RARRES1: variants seen among roughly 807,000 people sequenced by gnomAD.
RARRES1 encodes the protein retinoic acid receptor responder 1, also known as retinoic acid receptor responder protein 1.
In RARRES1, 34 loss-of-function variants were observed where a neutral mutation model predicts 30.6. The ratio of observed to expected loss-of-function variants is 1.11; its 90% CI spans 0.84 to 1.48. RARRES1 has a LOEUF of 1.48. Among genes scored for constraint, RARRES1 ranks in the 40% most tolerant of loss-of-function variants. The pLI is 0.00. For synonymous variants in RARRES1, 153 were observed against 155.5 expected (o/e 0.98, Z 0.12); for missense variants, 373 against 386.5 (o/e 0.97, Z 0.29).
rs1347471013 is a variant in RARRES1 at position 158,704,926 on chromosome 3, A to G, written c.537T>C (p.Asp179=). Residue 179 remains aspartate, a splice_region_variant and synonymous_variant, in exon 4 of 6, where the codon GAT becomes GAC. Transcript: ENST00000237696. ...KNPLEIVSIP[D]NHGHIDPSLR... The stretch of plus-strand genomic sequence containing the variant: ...GAGAGGGATCAATATGTCCATGATT[A>G]TCTGAGAGAGACAAAAAAAGCACAT... 3 of 1,600,048 alleles carry G rather than the reference A, an allele frequency of 1.9e-6. No homozygotes were observed. The highest frequency in any genetic ancestry group is 2.3e-5 in the South Asian group (2 of 87,806).
chr3:158,713,953 A>G, intron 1 of RARRES1, 94 bp from the exon 2 acceptor site: 1 of 1,138,232 alleles, frequency 8.8e-7, no homozygotes, highest in Non-Finnish European at 1.3e-6. Flanking sequence ...TGGCATGCAA[A>G]TGGTGGCTGT....
chr3:158,712,672 A>G (rs1170991751), intron 2 of RARRES1, among the ~76,000 whole-genome samples: 1 of 152,184 alleles, frequency 6.6e-6, no homozygotes, highest in East Asian at 1.9e-4. Context: ...CAGAGAAGAG[A>G]AAAAGAACCA....
intron 1 of RARRES1, among the ~76,000 whole-genome samples, chr3:158,728,496 A>G (rs1393790583): frequency 7.1e-6 from 1 of 141,236 alleles, no homozygotes; most frequent in Non-Finnish European, 1.5e-5. Context: ...GGAGGGATCA[A>G]TCGTGGTTTC....
intron 4 of RARRES1, among the ~76,000 whole-genome samples, chr3:158,698,687 TTGCAAGAG>T (rs1274091024): frequency 6.6e-6 from 1 of 151,914 alleles, no homozygotes; most frequent in Non-Finnish European, 1.5e-5. Flanking sequence ...CTTTTTTTTT[TTGCAAGAG>T]TGCTTATCTG....
chr3:158,712,377 C>T (rs969846661), intron 2 of RARRES1, among the ~76,000 whole-genome samples: 2 of 152,012 alleles, frequency 1.3e-5, no homozygotes, highest in South Asian at 4.2e-4. Flanking sequence ...GAGAGCAAGA[C>T]CCTGCCTCAA....
intron 3 of RARRES1, among the ~76,000 whole-genome samples, chr3:158,705,991 T>G (rs907835321): frequency 6.6e-6 from 1 of 152,246 alleles, no homozygotes; most frequent in Non-Finnish European, 1.5e-5. Context: ...AACCATCATT[T>G]TATGCAGTTT....
intron 1 of RARRES1, among the ~76,000 whole-genome samples, chr3:158,714,713 C>CT (rs1014115960): frequency 4.6e-5 from 7 of 151,792 alleles, no homozygotes; most frequent in South Asian, 4.2e-4. Flanking sequence ...TGTTTGCCAT[C>CT]TTTTTTTTAA....
Position 158,710,744 on chromosome 3 carries a change from T to C in RARRES1, c.529A>G (p.Ile177Val). The change falls in exon 3 of 6, where the codon ATA becomes GTA. Residue 177 changes from isoleucine (I) to valine (V), a missense_variant. By Grantham distance (29) the Ile-to-Val change is conservative. Coordinates refer to ENST00000237696, the MANE Select transcript of RARRES1 (RefSeq NM_206963.2). ...TCCAAATGCTGATTCATACCAGGTA[T>C]GCTGACTATTTCCAAGGGGTTTTTC... Reference protein sequence around the residue: ...QLKNPLEIVSIPDNHGHIDPS... With the variant: ...QLKNPLEIVSVPDNHGHIDPS... 1.9e-6 allele frequency: 3 copies of C among 1,602,788 alleles called. No individual in the cohort carries two copies. The highest frequency in any genetic ancestry group is 3.4e-5 in the Admixed American group (2 of 59,572).
At chr3:158,703,365 C>T (rs1049625696) in intron 4 of RARRES1, among the ~76,000 whole-genome samples, 10 of 152,176 alleles carry the variant, frequency 6.6e-5, no homozygotes, top group African/African-American at 1.7e-4. Context: ...TACTTTGCCT[C>T]TCTCTGCTGG....
chr3:158,724,829 T>G (rs1306629130), intron 1 of RARRES1, among the ~76,000 whole-genome samples: 1 of 138,400 alleles, frequency 7.2e-6, no homozygotes, highest in African/African-American at 2.6e-5. Flanking sequence ...ACTCCCTTTC[T>G]TTTTTTTTTT....
At chr3:158,728,555 G>A (rs1179702191) in intron 1 of RARRES1, among the ~76,000 whole-genome samples, 3 of 136,486 alleles carry the variant, frequency 2.2e-5, no homozygotes, top group Admixed American at 7.9e-5. Flanking sequence ...ACAGATTCTC[G>A]CTCTGTCACC....
intron 1 of RARRES1, among the ~76,000 whole-genome samples, chr3:158,718,531 A>G (rs1455400230): frequency 1.3e-5 from 2 of 152,232 alleles, no homozygotes; most frequent in Non-Finnish European, 2.9e-5. Flanking sequence ...GACAGGGCCC[A>G]TTGCTGGGTG....
chr3:158,716,909 A>G (rs1251500691), intron 1 of RARRES1, among the ~76,000 whole-genome samples: 4 of 152,204 alleles, frequency 2.6e-5, no homozygotes, highest in Non-Finnish European at 4.4e-5. Flanking sequence ...AAGTGTCCAC[A>G]TTTCATCCAA....
intron 1 of RARRES1, among the ~76,000 whole-genome samples, chr3:158,728,498 CGTG>C (rs10542810): frequency 0.15 from 21,609 of 148,564 alleles, 1,628 homozygotes; most frequent in South Asian, 0.22. Context: ...AGGGATCAAT[CGTG>C]GTTTCTTTTT....
At chr3:158,720,233 GGTGTGTGTGTGTGTGT>G (rs781535998) in intron 1 of RARRES1, among the ~76,000 whole-genome samples, 1 of 139,266 alleles carries the variant, frequency 7.2e-6, no homozygotes, top group Non-Finnish European at 1.5e-5. Context: ...GCTGGCTGCT[GGTGTGTGTGTGTGTGT>G]GTGTGTGTGT....
At chr3:158,713,060 C>T (rs1727194504) in intron 2 of RARRES1, among the ~76,000 whole-genome samples, 1 of 152,134 alleles carries the variant, frequency 6.6e-6, no homozygotes, top group Non-Finnish European at 1.5e-5. Context: ...TTGGGGGAGT[C>T]ATGCCTTCAA....
chr3:158,710,704 C>T (rs878969849), intron 3 of RARRES1, 34 bp downstream of exon 3: 1 of 1,534,522 alleles, frequency 6.5e-7, no homozygotes, highest in Non-Finnish European at 8.9e-7. Flanking sequence ...TACATACATT[C>T]CTGAATATAG....
intron 1 of RARRES1, among the ~76,000 whole-genome samples, chr3:158,730,947 C>T (rs1211594697): frequency 1.3e-5 from 2 of 152,062 alleles, no homozygotes; most frequent in Non-Finnish European, 2.9e-5. Context: ...CCACACCCAG[C>T]TAATTTTGTA....
At chr3:158,726,239 C>T (rs1727678455) in intron 1 of RARRES1, among the ~76,000 whole-genome samples, 1 of 152,200 alleles carries the variant, frequency 6.6e-6, no homozygotes. Context: ...TCCTGAATCA[C>T]CTCAAAATTA....
Sources: allele counts gnomAD v4.1 joint callset (sites outside exome capture counted in the v4.1 genomes callset), GRCh38; gene constraint gnomAD v4.1.1; transcripts MANE v1.5; gene names NCBI Gene and HGNC (gene_info 2026-07-23, HGNC 2026-07-21).